ABHD6: variants seen among roughly 807,000 people sequenced by gnomAD.
The protein encoded by ABHD6 is abhydrolase domain containing 6, acylglycerol lipase, also known as monoacylglycerol lipase ABHD6.
A neutral mutation model predicts 38.8 loss-of-function variants in ABHD6; 33 were observed. That is an observed-to-expected ratio of 0.85 (90% confidence interval 0.64 to 1.14). The LOEUF is 1.14. ABHD6 is among the 50% of genes most tolerant of loss of function. The probability of loss-of-function intolerance (pLI) is 0.00; values close to 1 mark genes in which losing one functional copy is unlikely to be tolerated. For missense variants in ABHD6, 380 were observed against 422.6 expected, an observed-to-expected ratio of 0.90 and a Z score of 0.88; for synonymous variants, 147 against 161.6, an observed-to-expected ratio of 0.91 and a Z score of 0.69.
Position 58,259,031 on chromosome 3 carries a change from C to T in ABHD6, c.119+2326C>T, listed in dbSNP as rs1023095076. On this transcript the variant is annotated intron_variant, in intron 3 of 9. Transcript: ENST00000478253. The surrounding 1 kb of genome is among the most constrained non-coding windows in gnomAD (Gnocchi z 4.7). Reference sequence around the variant, plus strand: ...GAGAAGGCAGAGTTGCGTGCCCCTTCTCATGGCCTCGTCAAGGCATCATGG... The same window carrying T: ...GAGAAGGCAGAGTTGCGTGCCCCTTTTCATGGCCTCGTCAAGGCATCATGG... 2.0e-5 allele frequency among the ~76,000 whole-genome samples: 3 copies of T among 152,206 alleles called. No homozygotes were observed. The highest frequency in any genetic ancestry group is 4.4e-5 in the Non-Finnish European group (3 of 68,034).
intron 3 of ABHD6, among the ~76,000 whole-genome samples, chr3:58,260,885 A>C (rs1461544164): frequency 2.0e-5 from 3 of 152,344 alleles, no homozygotes; most frequent in Admixed American, 2.0e-4. Flanking sequence ...AGGTGTCCCC[A>C]GTAGGCCACA....
At position 58,293,569 on chromosome 3, in the gene ABHD6, C is replaced by T. The variant is rs200734073; in HGVS notation, c.838-20C>T. 3,317 of 1,612,780 alleles carry T rather than the reference C, an allele frequency of 2.1e-3. 9 individuals carry two copies. Among genetic ancestry groups the T allele is most frequent in the Non-Finnish European group, 2.5e-3 (2,989 of 1,179,196 alleles). On this transcript the variant is annotated intron_variant, in intron 9 of 9. Coordinates refer to ENST00000478253, the MANE Select transcript of ABHD6 (RefSeq NM_001320126.2). This position sits in a 1 kb window ranked among gnomAD's most constrained non-coding sequence, Gnocchi z 4.4. Reference sequence around the variant, plus strand: ...GTCTGAATCTTTGTGTATCATCCAGCTCCCTTTCTTGCCCAGCAGGTGCTG... The same window carrying T: ...GTCTGAATCTTTGTGTATCATCCAGTTCCCTTTCTTGCCCAGCAGGTGCTG...
At chr3:58,246,872 CAT>C in intron 1 of ABHD6, among the ~76,000 whole-genome samples, 1 of 152,300 alleles carries the variant, frequency 6.6e-6, no homozygotes. Flanking sequence ...TTTGGACAGT[CAT>C]GTGGGCAGTA....
At chr3:58,270,221 G>C (rs2097443876) in intron 5 of ABHD6, among the ~76,000 whole-genome samples, 1 of 152,126 alleles carries the variant, frequency 6.6e-6, no homozygotes, top group Non-Finnish European at 1.5e-5. Flanking sequence ...TGAATGGATG[G>C]TCAGATGGAC....
chr3:58,286,850 G>GCATATATA (rs1553721726), intron 9 of ABHD6, among the ~76,000 whole-genome samples: 1 of 72,826 alleles, frequency 1.4e-5, no homozygotes, highest in Non-Finnish European at 2.6e-5. Flanking sequence ...GTGTGTGTGT[G>GCATATATA]TGTATATATA....
At position 58,266,925 on chromosome 3, in the gene ABHD6, A is replaced by C. The variant is rs1214751781; in HGVS notation, c.120-264A>C. Among the ~76,000 whole-genome samples, 1 of 152,232 alleles carries C rather than the reference A, an allele frequency of 6.6e-6. No homozygotes were observed. The highest frequency in any genetic ancestry group is 1.5e-5 in the Non-Finnish European group (1 of 68,046). ...GTTATCATGTGTGGCATACTTCTTAAGAAAACACCGCATTTCCCTTCCTAG... is the reference window on the plus strand; with the variant it reads ...GTTATCATGTGTGGCATACTTCTTACGAAAACACCGCATTTCCCTTCCTAG... On this transcript the variant is annotated intron_variant, in intron 3 of 9. Transcript: ENST00000478253. This position sits in a 1 kb window ranked among gnomAD's most constrained non-coding sequence, Gnocchi z 4.0.
rs1228040639 is a variant in ABHD6 at position 58,273,075 on chromosome 3, C to T, written c.524-1583C>T. Among the ~76,000 whole-genome samples the T allele has an allele frequency of 6.6e-6, 1 of 152,154 alleles. No homozygotes were observed. Among genetic ancestry groups the T allele is most frequent in the Non-Finnish European group, 1.5e-5 (1 of 68,030 alleles). On this transcript the variant is annotated intron_variant, in intron 6 of 9. Transcript: ENST00000478253. This position sits in a 1 kb window ranked among gnomAD's most constrained non-coding sequence, Gnocchi z 4.8. Reference sequence around the variant, plus strand: ...ATCCAGTCCAGGATGTACCACATGACATCTAACCTAGGTTTAGTTTTAAAG... The same window carrying T: ...ATCCAGTCCAGGATGTACCACATGATATCTAACCTAGGTTTAGTTTTAAAG...
intron 7 of ABHD6, among the ~76,000 whole-genome samples, chr3:58,284,037 G>A (rs1291511921): frequency 2.0e-5 from 3 of 152,168 alleles, no homozygotes; most frequent in Admixed American, 2.0e-4. Context: ...TGTAATTAAA[G>A]GGTTCAGACC....
intron 1 of ABHD6, among the ~76,000 whole-genome samples, chr3:58,242,930 T>C (rs1394769064): frequency 6.6e-6 from 1 of 152,142 alleles, no homozygotes; most frequent in Admixed American, 6.5e-5. Context: ...GTCCAAGTGT[T>C]TTCATTGTTC....
At chr3:58,291,741 G>A (rs2097463178) in intron 9 of ABHD6, among the ~76,000 whole-genome samples, 1 of 152,186 alleles carries the variant, frequency 6.6e-6, no homozygotes, top group South Asian at 2.1e-4. Flanking sequence ...CAGCTCATAT[G>A]GGTATTTTTG....
intron 7 of ABHD6, among the ~76,000 whole-genome samples, chr3:58,284,149 T>G (rs551612817): frequency 3.4e-4 from 51 of 152,230 alleles, no homozygotes; most frequent in African/African-American, 1.2e-3. Flanking sequence ...AGAACTGTGT[T>G]CCTTCCAGCC....
chr3:58,267,594 G>A lies in ABHD6; in HGVS notation c.276+249G>A, dbSNP rs1180660112. 1.3e-5 allele frequency among the ~76,000 whole-genome samples: 2 copies of A among 151,906 alleles called. No homozygotes were observed. Among genetic ancestry groups the A allele is most frequent in the Non-Finnish European group, 2.9e-5 (2 of 67,986 alleles). Reference sequence around the variant, plus strand: ...GTGGGAAGATTGCTTGAGCCTGGGGGGTCAAGTCTTCAGTGAGCAATGATC... The same window carrying A: ...GTGGGAAGATTGCTTGAGCCTGGGGAGTCAAGTCTTCAGTGAGCAATGATC... On this transcript the variant is annotated intron_variant, in intron 4 of 9. Coordinates refer to ENST00000478253, the MANE Select transcript of ABHD6 (RefSeq NM_001320126.2). This position sits in a 1 kb window ranked among gnomAD's most constrained non-coding sequence, Gnocchi z 4.3.
intron 9 of ABHD6, among the ~76,000 whole-genome samples, chr3:58,286,842 G>GTATATA (rs1553721703): frequency 4.1e-4 from 15 of 36,418 alleles, no homozygotes; most frequent in African/African-American, 1.5e-3. Context: ...GTGTGTGTGT[G>GTATATA]TGTGTGTGTG....
rs1239007249 is a variant in ABHD6 at position 58,289,922 on chromosome 3, C to T, written c.838-3667C>T. Among the ~76,000 whole-genome samples, 677 of 145,722 alleles carry T rather than the reference C, an allele frequency of 4.6e-3. 10 individuals are homozygous for T. Among genetic ancestry groups the T allele is most frequent in the African/African-American group, 0.017 (639 of 37,236 alleles). The stretch of plus-strand genomic sequence containing the variant: ...GCTGGCCGGGCAGAGGGGCTCCTCA[C>T]TTCCCAGTAGGGGCGGCCGGGCAGA... On this transcript the variant is annotated intron_variant, in intron 9 of 9. Transcript: ENST00000478253.
chr3:58,241,729 A>G (rs1283107790), intron 1 of ABHD6, among the ~76,000 whole-genome samples: 1 of 152,200 alleles, frequency 6.6e-6, no homozygotes, highest in East Asian at 1.9e-4. Context: ...AATAGGCCTG[A>G]GCAGTGGCCA....
intron 1 of ABHD6, among the ~76,000 whole-genome samples, chr3:58,240,570 AT>A (rs1195213500): frequency 1.3e-5 from 2 of 150,000 alleles, no homozygotes; most frequent in Non-Finnish European, 3.0e-5. Flanking sequence ...TCTTAAAAAA[AT>A]TTTTTTTTTA....
rs990447981 is a variant in ABHD6, at chr3:58,259,627, G to A, written c.119+2922G>A. On this transcript the variant is annotated intron_variant, in intron 3 of 9. Coordinates refer to ENST00000478253, the MANE Select transcript of ABHD6 (RefSeq NM_001320126.2). The surrounding 1 kb of genome is among the most constrained non-coding windows in gnomAD (Gnocchi z 4.7). ...ACCCAGGAAGCGGAGGTTGCAGTGA[G>A]CCGAGATCGTGCCACTACACTTCAG... Among the ~76,000 whole-genome samples the A allele has an allele frequency of 1.4e-4, 21 of 152,184 alleles. No homozygotes were observed. Among genetic ancestry groups the A allele is most frequent in the Admixed American group, 8.5e-4 (13 of 15,276 alleles).
At chr3:58,242,298 C>G (rs1160692467) in intron 1 of ABHD6, among the ~76,000 whole-genome samples, 1 of 152,152 alleles carries the variant, frequency 6.6e-6, no homozygotes, top group Non-Finnish European at 1.5e-5. Context: ...CACTGCCAAC[C>G]ACCAGTGAAT....
At chr3:58,280,704 C>T (rs1033582986) in intron 7 of ABHD6, among the ~76,000 whole-genome samples, 5 of 152,226 alleles carry the variant, frequency 3.3e-5, no homozygotes, top group Non-Finnish European at 4.4e-5. Context: ...CTTTTCTGCT[C>T]TGGTTTCTCC....
Sources: gnomAD v4.1 joint callset for allele counts (sites outside exome capture counted in the v4.1 genomes callset) on GRCh38, gnomAD v4.1.1 for gene constraint, Gnocchi (gnomAD v3.1) non-coding constraint, MANE v1.5 for transcripts, NCBI Gene and HGNC (gene_info 2026-07-23, HGNC 2026-07-21) for gene names.